Variants in APBA1 observed in about 807,000 individuals in gnomAD.
APBA1 encodes the protein amyloid beta precursor protein binding family A member 1, also known as amyloid-beta A4 precursor protein-binding family A member 1.
APBA1 carries 55 observed loss-of-function variants against 86.6 expected under a neutral mutation model. The ratio of observed to expected loss-of-function variants is 0.64; its 90% CI spans 0.51 to 0.80. The LOEUF (loss-of-function observed/expected upper bound fraction) is 0.80. Ranked by LOEUF, APBA1 falls within the 30% of genes least tolerant of loss-of-function variation. The pLI, the probability that APBA1 is intolerant of heterozygous loss-of-function variation, is 0.00. For missense variants in APBA1, 1,090 were observed against 1,183.0 expected (o/e 0.92, Z 1.15); for synonymous variants, 511 against 493.9 (o/e 1.03, Z -0.46).
At chr9:69,575,202 GC>G (rs1416103200) in intron 1 of APBA1, among the ~76,000 whole-genome samples, 1 of 152,110 alleles carries the variant, frequency 6.6e-6, no homozygotes, top group African/African-American at 2.4e-5. Context: ...ACAGGTGTGA[GC>G]CACTGCACCC....
intron 1 of APBA1, among the ~76,000 whole-genome samples, chr9:69,529,807 C>T (rs1354906837): frequency 6.6e-6 from 1 of 152,016 alleles, no homozygotes; most frequent in African/African-American, 2.4e-5. Context: ...TGACAAAGGA[C>T]TAATATCCAG....
intron 1 of APBA1, among the ~76,000 whole-genome samples, chr9:69,534,016 A>G (rs1209519715): frequency 6.6e-6 from 1 of 152,228 alleles, no homozygotes; most frequent in Admixed American, 6.5e-5. Flanking sequence ...AAGATCTACT[A>G]AACAAAAGAA....
At chr9:69,571,511 T>TGCAC (rs1837113735) in intron 1 of APBA1, among the ~76,000 whole-genome samples, 1 of 152,168 alleles carries the variant, frequency 6.6e-6, no homozygotes, top group Non-Finnish European at 1.5e-5. Flanking sequence ...TGTATATATT[T>TGCAC]GCACACACAC....
intron 2 of APBA1, among the ~76,000 whole-genome samples, chr9:69,483,999 C>G (rs1450267799): frequency 6.6e-6 from 1 of 151,972 alleles, no homozygotes; most frequent in East Asian, 1.9e-4. Flanking sequence ...TTAAATTTCC[C>G]CAATCTGAAG....
intron 4 of APBA1, 111 bp from the exon 5 acceptor site, chr9:69,468,079 G>A: frequency 2.3e-6 from 3 of 1,290,040 alleles, no homozygotes; most frequent in East Asian, 4.7e-5. Flanking sequence ...AGGTGAGGCA[G>A]AGCCAACCTG....
At chr9:69,565,654 A>G (rs1358340064) in intron 1 of APBA1, among the ~76,000 whole-genome samples, 2 of 152,098 alleles carry the variant, frequency 1.3e-5, no homozygotes, top group Non-Finnish European at 2.9e-5. Flanking sequence ...GCAGCTGTCA[A>G]TGGTTCATCC....
chr9:69,656,623 T>C (rs1399150658), intron 1 of APBA1, among the ~76,000 whole-genome samples: 1 of 152,222 alleles, frequency 6.6e-6, no homozygotes, highest in Admixed American at 6.5e-5. Context: ...CAGAAAATGT[T>C]CTATGTCTTG....
chr9:69,450,406 G>A (rs1217902925), intron 9 of APBA1, among the ~76,000 whole-genome samples: 2 of 152,114 alleles, frequency 1.3e-5, no homozygotes, highest in Non-Finnish European at 2.9e-5. Context: ...AGAAGACAGG[G>A]GTTGATGTTG....
At chr9:69,450,513 G>A (rs562329742) in intron 9 of APBA1, among the ~76,000 whole-genome samples, 2 of 152,278 alleles carry the variant, frequency 1.3e-5, no homozygotes, top group South Asian at 2.1e-4. Context: ...TTTTTGGGGG[G>A]CTTGACAAAG....
intron 1 of APBA1, among the ~76,000 whole-genome samples, chr9:69,552,851 T>C (rs1343389149): frequency 6.6e-6 from 1 of 152,004 alleles, no homozygotes; most frequent in Admixed American, 6.6e-5. Flanking sequence ...CAGAGTTAAT[T>C]TCCTTCTACC....
chr9:69,650,962 C>G (rs1823486706), intron 1 of APBA1, among the ~76,000 whole-genome samples: 1 of 152,152 alleles, frequency 6.6e-6, no homozygotes, highest in Non-Finnish European at 1.5e-5. Context: ...ACATATATAA[C>G]ATTGTTCATA....
chr9:69,576,224 A>G (rs1399811072), intron 1 of APBA1, among the ~76,000 whole-genome samples: 1 of 152,216 alleles, frequency 6.6e-6, no homozygotes, highest in Non-Finnish European at 1.5e-5. Context: ...GCTGGAGAGG[A>G]TGTGGAGAAA....
intron 2 of APBA1, 115 bp downstream of exon 2, chr9:69,515,896 C>G (rs1283010928): frequency 2.7e-5 from 31 of 1,151,226 alleles, no homozygotes; most frequent in Non-Finnish European, 3.5e-5. Context: ...AAGTTCTTAG[C>G]GTCCCCACAG....
At chr9:69,573,458 T>C (rs1837148201) in intron 1 of APBA1, among the ~76,000 whole-genome samples, 1 of 152,180 alleles carries the variant, frequency 6.6e-6, no homozygotes, top group Admixed American at 6.5e-5. Flanking sequence ...TATGATCCTG[T>C]CTCAAAAATA....
At chr9:69,664,943 C>A (rs1823817877) in intron 1 of APBA1, among the ~76,000 whole-genome samples, 1 of 152,170 alleles carries the variant, frequency 6.6e-6, no homozygotes, top group African/African-American at 2.4e-5. Context: ...CTTTATGATA[C>A]CTCTGTGCTG....
chr9:69,665,888 A>T (rs1247816769), intron 1 of APBA1, among the ~76,000 whole-genome samples: 1 of 152,104 alleles, frequency 6.6e-6, no homozygotes, highest in Non-Finnish European at 1.5e-5. Flanking sequence ...AGCATGCGCC[A>T]CCATGCCCGG....
chr9:69,643,013 G>A lies in APBA1; in HGVS notation c.-70+29140C>T, dbSNP rs558624676. Among the ~76,000 whole-genome samples, 42 of 147,746 alleles carry A rather than the reference G, an allele frequency of 2.8e-4. No homozygotes were observed. In the South Asian group the frequency reaches 4.1e-3, roughly 14 times the overall value. ...TATATGTGTATACACACACACCCCC[G>A]CCACAAACACACACACACACACACA... is the stretch of plus-strand genomic sequence containing the variant. On this transcript the variant is annotated intron_variant, in intron 1 of 12. Transcript: ENST00000265381.
chr9:69,521,372 A>G (rs1351236512), intron 1 of APBA1, among the ~76,000 whole-genome samples: 1 of 152,128 alleles, frequency 6.6e-6, no homozygotes, highest in Non-Finnish European at 1.5e-5. Flanking sequence ...TTTAACCTAT[A>G]ACTTTTCTTT....
intron 10 of APBA1, among the ~76,000 whole-genome samples, chr9:69,445,183 GGGTTCTTTCC>G (rs1162402742): frequency 5.3e-5 from 8 of 152,156 alleles, no homozygotes; most frequent in East Asian, 1.9e-4. Flanking sequence ...TTGCTCTGGT[GGGTTCTTTCC>G]GGTTCTTTCC....
Sources: gnomAD v4.1 joint callset for allele counts (sites outside exome capture counted in the v4.1 genomes callset) on GRCh38, gnomAD v4.1.1 for gene constraint, MANE v1.5 for transcripts, NCBI Gene and HGNC (gene_info 2026-07-23, HGNC 2026-07-21) for gene names.